The following TSHZ2 variants were observed in gnomAD, a reference collection of about 807,000 sequenced individuals.
The protein encoded by TSHZ2 is teashirt zinc finger homeobox 2, also known as teashirt homolog 2.
Under a neutral mutation model 74.4 loss-of-function variants are expected in TSHZ2, and 21 were observed. That is an observed-to-expected ratio of 0.28 (90% CI 0.20 to 0.41). The LOEUF (loss-of-function observed/expected upper bound fraction) is 0.41. Ranked by LOEUF, TSHZ2 falls within the 10% of genes least tolerant of loss-of-function variation. TSHZ2 has a pLI of 1.00. For synonymous variants in TSHZ2, 540 were observed against 515.3 expected, an observed-to-expected ratio of 1.05 and a Z score of -0.65; for missense variants, 1,244 against 1,293.5, an observed-to-expected ratio of 0.96 and a Z score of 0.59.
intron 1 of TSHZ2, among the ~76,000 whole-genome samples, chr20:53,104,108 G>A (rs895212184): frequency 3.9e-5 from 6 of 152,110 alleles, no homozygotes; most frequent in Non-Finnish European, 5.9e-5. Flanking sequence ...CTAAGACATC[G>A]CGCTCTGCAG....
intron 1 of TSHZ2, among the ~76,000 whole-genome samples, chr20:53,115,934 G>T (rs1434125998): frequency 6.6e-6 from 1 of 152,194 alleles, no homozygotes. Context: ...ATGGATGTGG[G>T]TGTGGATAAG....
intron 2 of TSHZ2, among the ~76,000 whole-genome samples, chr20:53,443,162 T>A (rs931938987): frequency 6.6e-6 from 1 of 151,538 alleles, no homozygotes; most frequent in East Asian, 1.9e-4. Context: ...CTTGCCAGTA[T>A]TTTTTTTTCT....
At chr20:53,324,003 C>T (rs528805425) in intron 2 of TSHZ2, among the ~76,000 whole-genome samples, 94 of 152,304 alleles carry the variant, frequency 6.2e-4, no homozygotes, top group Non-Finnish European at 1.1e-3. Context: ...CTCCTGACCT[C>T]TCTGGACGCC....
intron 2 of TSHZ2, among the ~76,000 whole-genome samples, chr20:53,329,377 A>G (rs887009540): frequency 4.6e-5 from 7 of 152,194 alleles, no homozygotes; most frequent in African/African-American, 1.7e-4. Context: ...GCTTCCTACA[A>G]AGCAGGATGT....
At chr20:53,068,876 T>G (rs1419525238) in intron 1 of TSHZ2, among the ~76,000 whole-genome samples, 4 of 151,992 alleles carry the variant, frequency 2.6e-5, no homozygotes, top group African/African-American at 7.3e-5. Flanking sequence ...TTCTGTTGTT[T>G]TTTTTTTCCA....
At chr20:53,329,769 T>C (rs1979645698) in intron 2 of TSHZ2, among the ~76,000 whole-genome samples, 1 of 152,198 alleles carries the variant, frequency 6.6e-6, no homozygotes, top group South Asian at 2.1e-4. Context: ...GCAAGCACTT[T>C]ATTTTTTAAT....
At chr20:53,245,704 A>C (rs1346018636) in intron 1 of TSHZ2, among the ~76,000 whole-genome samples, 12 of 152,244 alleles carry the variant, frequency 7.9e-5, no homozygotes, top group African/African-American at 2.7e-4. Context: ...AGGTGATGCC[A>C]ACACCATTCA....
chr20:53,139,751 A>C (rs1208554609), intron 1 of TSHZ2, among the ~76,000 whole-genome samples: 1 of 152,154 alleles, frequency 6.6e-6, no homozygotes, highest in Non-Finnish European at 1.5e-5. Flanking sequence ...TGTGCAAAAA[A>C]CTTGGTTCTC....
intron 2 of TSHZ2, among the ~76,000 whole-genome samples, chr20:53,483,369 C>G (rs912598798): frequency 6.6e-6 from 1 of 151,974 alleles, no homozygotes; most frequent in South Asian, 2.1e-4. Flanking sequence ...AAAACTTAGC[C>G]GGGCATGGTG....
chr20:53,108,493 G>T (rs775387715), intron 1 of TSHZ2, among the ~76,000 whole-genome samples: 1 of 152,134 alleles, frequency 6.6e-6, no homozygotes, highest in Non-Finnish European at 1.5e-5. Context: ...CAACACAAAG[G>T]GCAGCACAGG....
chr20:53,120,204 G>C lies in TSHZ2; in HGVS notation c.41-133295G>C, dbSNP rs1405706237. Among the ~76,000 whole-genome samples the C allele has an allele frequency of 5.9e-5, 9 of 152,232 alleles. No individual in the cohort carries two copies. The East Asian group carries it at 1.7e-3, about 29-fold the overall frequency. On this transcript the variant is annotated intron_variant, in intron 1 of 2. Coordinates refer to ENST00000371497, the MANE Select transcript of TSHZ2 (RefSeq NM_173485.6). ...TGAATATGAATCCGTGGATTCCAAAGTGAAAAGGCAAAGAAATATAAATGG... is the reference window on the plus strand; with the variant it reads ...TGAATATGAATCCGTGGATTCCAAACTGAAAAGGCAAAGAAATATAAATGG...
intron 1 of TSHZ2, among the ~76,000 whole-genome samples, chr20:53,239,332 G>A (rs909818487): frequency 6.6e-6 from 1 of 152,150 alleles, no homozygotes; most frequent in Non-Finnish European, 1.5e-5. Flanking sequence ...CATCATCTCT[G>A]TTGTCCTATT....
At chr20:53,479,365 C>T (rs777624003) in intron 2 of TSHZ2, among the ~76,000 whole-genome samples, 2 of 152,036 alleles carry the variant, frequency 1.3e-5, no homozygotes, top group Non-Finnish European at 2.9e-5. Context: ...TTATATGGAC[C>T]ACCCTCAGAG....
chr20:53,081,354 C>G (rs1186215933), intron 1 of TSHZ2, among the ~76,000 whole-genome samples: 1 of 152,204 alleles, frequency 6.6e-6, no homozygotes, highest in Non-Finnish European at 1.5e-5. Flanking sequence ...CATAATTTTG[C>G]TCCAAAATGG....
intron 2 of TSHZ2, among the ~76,000 whole-genome samples, chr20:53,396,959 T>G (rs908500815): frequency 1.3e-5 from 2 of 151,902 alleles, no homozygotes; most frequent in Admixed American, 1.3e-4. Flanking sequence ...CCTTACACCT[T>G]ATACAAAAAT....
chr20:53,050,103 GTA>G (rs71897861), intron 1 of TSHZ2, among the ~76,000 whole-genome samples: 1,793 of 115,948 alleles, frequency 0.015, 90 homozygotes, highest in African/African-American at 0.05. Context: ...GTATATGTGT[GTA>G]TATATATATA....
intron 1 of TSHZ2, among the ~76,000 whole-genome samples, chr20:53,190,086 AATATATAT>A (rs544193424): frequency 0.026 from 647 of 25,018 alleles, 28 homozygotes; most frequent in Non-Finnish European, 0.044. Context: ...CCCTGTCTCA[AATATATAT>A]ATATATATAT....
intron 2 of TSHZ2, among the ~76,000 whole-genome samples, chr20:53,371,753 G>A (rs1001828015): frequency 6.6e-6 from 1 of 151,928 alleles, no homozygotes; most frequent in African/African-American, 2.4e-5. Flanking sequence ...GCACATGCCT[G>A]TAGTCCCAGC....
intron 1 of TSHZ2, among the ~76,000 whole-genome samples, chr20:53,047,245 A>G (rs1984261261): frequency 6.6e-6 from 1 of 152,248 alleles, no homozygotes; most frequent in African/African-American, 2.4e-5. Flanking sequence ...TTAAGGTATA[A>G]TAGAAGCTTG....
Sources: allele counts gnomAD v4.1 joint callset (sites outside exome capture counted in the v4.1 genomes callset), GRCh38; gene constraint gnomAD v4.1.1; transcripts MANE v1.5; gene names NCBI Gene and HGNC (gene_info 2026-07-23, HGNC 2026-07-21).